The following PDZD2 variants were observed in gnomAD, a reference collection of about 807,000 sequenced individuals.
PDZD2 encodes PDZ domain-containing protein 2.
PDZD2 carries 90 observed loss-of-function variants against 220.7 expected under a neutral mutation model. The ratio of observed to expected loss-of-function variants is 0.41; its 90% confidence interval spans 0.34 to 0.49. The LOEUF is 0.49. Among genes scored for constraint, PDZD2 ranks in the 20% least tolerant of loss-of-function variants. PDZD2 has a pLI of 0.28. For missense variants in PDZD2, 3,174 were observed against 3,608.5 expected (o/e 0.88, Z 3.08); for synonymous variants, 1,375 against 1,450.5 (o/e 0.95, Z 1.18).
intron 5 of PDZD2, among the ~76,000 whole-genome samples, chr5:32,006,355 T>TG (rs1561326630): frequency 8.4e-6 from 1 of 118,780 alleles, no homozygotes; most frequent in Non-Finnish European, 1.5e-5. Context: ...GAAGTACAAT[T>TG]TTTTTTTTTT....
chr5:31,677,895 G>C (rs915833309), intron 1 of PDZD2, among the ~76,000 whole-genome samples: 20 of 152,070 alleles, frequency 1.3e-4, no homozygotes, highest in Admixed American at 1.2e-3. Flanking sequence ...AGAGGAGGAA[G>C]GGGGGAGGAC....
intron 1 of PDZD2, among the ~76,000 whole-genome samples, chr5:31,645,992 G>A (rs1378717637): frequency 1.3e-5 from 2 of 151,918 alleles, no homozygotes; most frequent in African/African-American, 4.8e-5. Context: ...AGGCCTCCGG[G>A]CATCCCCAGG....
intron 17 of PDZD2, among the ~76,000 whole-genome samples, chr5:32,073,462 G>T (rs1581425647): frequency 6.6e-6 from 1 of 152,256 alleles, no homozygotes; most frequent in African/African-American, 2.4e-5. Flanking sequence ...CAGTCCCCAG[G>T]CATCCTTCTA....
intron 2 of PDZD2, among the ~76,000 whole-genome samples, chr5:31,813,492 G>A (rs909141940): frequency 2.6e-4 from 38 of 148,304 alleles, no homozygotes; most frequent in Admixed American, 6.7e-5. Flanking sequence ...TATTCACAAC[G>A]TGAATACAAA....
chr5:31,665,771 T>C (rs760513875), intron 1 of PDZD2, among the ~76,000 whole-genome samples: 41 of 152,228 alleles, frequency 2.7e-4, no homozygotes, highest in Non-Finnish European at 5.7e-4. Flanking sequence ...AGCTGTTCTC[T>C]TTATAAATTG....
At chr5:32,004,084 G>A (rs567188017) in intron 5 of PDZD2, among the ~76,000 whole-genome samples, 753 of 140,300 alleles carry the variant, frequency 5.4e-3, no homozygotes, top group Non-Finnish European at 8.2e-3. Context: ...AACACAAAAC[G>A]TAAGATTAAA....
chr5:31,911,991 G>A (rs1216315696), intron 2 of PDZD2, among the ~76,000 whole-genome samples: 1 of 152,284 alleles, frequency 6.6e-6, no homozygotes, highest in Admixed American at 6.5e-5. Flanking sequence ...TGCTAAATGG[G>A]GATTGAGTGA....
At chr5:31,938,062 T>C (rs570037544) in intron 2 of PDZD2, among the ~76,000 whole-genome samples, 2 of 152,350 alleles carry the variant, frequency 1.3e-5, no homozygotes, top group African/African-American at 4.8e-5. Context: ...TTTGCTGGTT[T>C]GCTGGTTGGT....
At chr5:31,792,775 G>T (rs888105639) in intron 1 of PDZD2, among the ~76,000 whole-genome samples, 3 of 152,042 alleles carry the variant, frequency 2.0e-5, no homozygotes, top group African/African-American at 7.2e-5. Context: ...GTGTCTCCCT[G>T]CAGCACCACT....
At chr5:31,933,851 A>C (rs1745502417) in intron 2 of PDZD2, among the ~76,000 whole-genome samples, 1 of 152,180 alleles carries the variant, frequency 6.6e-6, no homozygotes, top group Non-Finnish European at 1.5e-5. Context: ...CAAGGAACCA[A>C]GGTGGACACG....
intron 20 of PDZD2, 103 bp downstream of exon 20, chr5:32,091,278 A>AAT: frequency 1.5e-4 from 82 of 539,470 alleles, no homozygotes; most frequent in Non-Finnish European, 2.1e-4. Flanking sequence ...GTTCCCACTT[A>AAT]CTTTTTTTTT....
intron 1 of PDZD2, among the ~76,000 whole-genome samples, chr5:31,786,926 A>G (rs1365625189): frequency 6.6e-6 from 1 of 152,228 alleles, no homozygotes; most frequent in African/African-American, 2.4e-5. Flanking sequence ...AAACACCAGA[A>G]GCATCTAACA....
At chr5:31,756,311 G>A (rs377209340) in intron 1 of PDZD2, among the ~76,000 whole-genome samples, 71 of 152,354 alleles carry the variant, frequency 4.7e-4, no homozygotes, top group Middle Eastern at 3.4e-3. Flanking sequence ...CTCAGAGAAA[G>A]ATCCAGAAGC....
chr5:31,800,470 T>C (rs562298299), intron 2 of PDZD2, among the ~76,000 whole-genome samples: 1 of 152,318 alleles, frequency 6.6e-6, no homozygotes, highest in African/African-American at 2.4e-5. Flanking sequence ...GCTTAGCTAC[T>C]CCTCTCCAGT....
chr5:32,104,467 T>C (rs1273645263), intron 24 of PDZD2, among the ~76,000 whole-genome samples: 1 of 151,670 alleles, frequency 6.6e-6, no homozygotes, highest in Non-Finnish European at 1.5e-5. Context: ...GTGAATCTGG[T>C]GTCTCAGCCT....
chr5:31,969,835 AT>A (rs1053476675), intron 2 of PDZD2, among the ~76,000 whole-genome samples: 1 of 151,996 alleles, frequency 6.6e-6, no homozygotes, highest in Non-Finnish European at 1.5e-5. Flanking sequence ...ATGGACCAGC[AT>A]TTTTTTGTGG....
At chr5:31,831,670 C>T (rs1756597971) in intron 2 of PDZD2, among the ~76,000 whole-genome samples, 1 of 151,810 alleles carries the variant, frequency 6.6e-6, no homozygotes, top group Non-Finnish European at 1.5e-5. Flanking sequence ...ATTGCTTGAA[C>T]CTGGGAGGCG....
intron 2 of PDZD2, among the ~76,000 whole-genome samples, chr5:31,949,134 G>A (rs1746948414): frequency 3.4e-5 from 5 of 149,182 alleles, no homozygotes; most frequent in Admixed American, 3.3e-4. Context: ...TAGTGTTCCT[G>A]GCTGGCTTCT....
At chr5:31,797,735 C>T (rs765672999) in intron 1 of PDZD2, among the ~76,000 whole-genome samples, 2 of 152,164 alleles carry the variant, frequency 1.3e-5, no homozygotes, top group African/African-American at 2.4e-5. Flanking sequence ...TCTTTGGAAA[C>T]GCAAAGCACG....
Sources: gnomAD v4.1 joint callset for allele counts (sites outside exome capture counted in the v4.1 genomes callset) on GRCh38, gnomAD v4.1.1 for gene constraint, MANE v1.5 for transcripts, NCBI Gene and HGNC (gene_info 2026-07-23, HGNC 2026-07-21) for gene names.